Variants in SPOCK1 observed in about 807,000 individuals in gnomAD.
The protein encoded by SPOCK1 is SPARC (osteonectin), cwcv and kazal like domains proteoglycan 1.
A neutral mutation model predicts 55.3 loss-of-function variants in SPOCK1; 23 were observed. That is an observed-to-expected ratio of 0.42 (90% CI 0.30 to 0.59). The LOEUF (loss-of-function observed/expected upper bound fraction) is 0.59, where lower values mean the gene tolerates loss of function less well. SPOCK1 is among the 20% of genes least tolerant of loss of function. The pLI is 0.22. For synonymous variants in SPOCK1, 226 were observed against 221.0 expected, an observed-to-expected ratio of 1.02 and a Z score of -0.20; for missense variants, 499 against 552.5, an observed-to-expected ratio of 0.90 and a Z score of 0.97.
At chr5:137,367,001 T>G (rs777884549) in intron 2 of SPOCK1, among the ~76,000 whole-genome samples, 1 of 152,158 alleles carries the variant, frequency 6.6e-6, no homozygotes, top group Non-Finnish European at 1.5e-5. Context: ...GGAGACAGAG[T>G]GCACTGTGAC....
intron 2 of SPOCK1, among the ~76,000 whole-genome samples, chr5:137,280,085 C>T (rs906417506): frequency 4.6e-5 from 7 of 152,268 alleles, no homozygotes; most frequent in Non-Finnish European, 7.4e-5. Context: ...GGCTCTCACT[C>T]GGCCTTTGAA....
intron 3 of SPOCK1, among the ~76,000 whole-genome samples, chr5:137,202,590 G>T (rs1434363291): frequency 2.6e-5 from 4 of 152,192 alleles, no homozygotes; most frequent in Non-Finnish European, 5.9e-5. Context: ...AGTAAAAATT[G>T]TGTTGAACAG....
chr5:137,115,078 A>G (rs1753551078), intron 4 of SPOCK1, among the ~76,000 whole-genome samples: 1 of 152,204 alleles, frequency 6.6e-6, no homozygotes, highest in Non-Finnish European at 1.5e-5. Context: ...CTTCACCATT[A>G]AAGTAAGTTC....
intron 4 of SPOCK1, among the ~76,000 whole-genome samples, chr5:137,133,059 CT>C (rs1753913949): frequency 2.6e-5 from 4 of 152,152 alleles, no homozygotes; most frequent in Non-Finnish European, 4.4e-5. Context: ...TGGCAGTCTT[CT>C]TTTGTTATTT....
intron 7 of SPOCK1, among the ~76,000 whole-genome samples, chr5:136,990,253 A>ACTGTC (rs1750922184): frequency 1.3e-5 from 2 of 152,034 alleles, no homozygotes; most frequent in Admixed American, 6.6e-5. Context: ...AAAAGTCTTC[A>ACTGTC]CTGTCTAGAA....
chr5:137,027,971 C>T (rs932353320), intron 6 of SPOCK1, among the ~76,000 whole-genome samples: 21 of 152,144 alleles, frequency 1.4e-4, no homozygotes, highest in African/African-American at 4.8e-4. Flanking sequence ...ATAAACTTAC[C>T]ACCCCCAAAC....
At chr5:137,419,355 G>T (rs1316550036) in intron 2 of SPOCK1, among the ~76,000 whole-genome samples, 1 of 152,262 alleles carries the variant, frequency 6.6e-6, no homozygotes, top group East Asian at 1.9e-4. Flanking sequence ...TTGGTAGCTT[G>T]ATGGGGATGG....
intron 2 of SPOCK1, among the ~76,000 whole-genome samples, chr5:137,415,227 T>A (rs142066357): frequency 1.3e-5 from 2 of 152,200 alleles, no homozygotes; most frequent in African/African-American, 2.4e-5. Flanking sequence ...AGAACCCATA[T>A]AGTTTGAGAT....
intron 6 of SPOCK1, among the ~76,000 whole-genome samples, chr5:137,020,204 C>A (rs757507140): frequency 1.1e-4 from 17 of 150,084 alleles, no homozygotes; most frequent in Admixed American, 4.0e-4. Context: ...GAAAAAAAAA[C>A]CCCATCTGAT....
chr5:137,341,677 C>G (rs904995743), intron 2 of SPOCK1, among the ~76,000 whole-genome samples: 5 of 152,120 alleles, frequency 3.3e-5, no homozygotes, highest in African/African-American at 1.2e-4. Context: ...TCAGGCTATA[C>G]CCCTGAATAG....
intron 6 of SPOCK1, among the ~76,000 whole-genome samples, chr5:136,995,994 G>C (rs1392045069): frequency 6.6e-6 from 1 of 152,176 alleles, no homozygotes; most frequent in Non-Finnish European, 1.5e-5. Context: ...AGGTTGCCTG[G>C]AGCTTGATAC....
intron 3 of SPOCK1, among the ~76,000 whole-genome samples, chr5:137,231,613 C>T (rs1238354529): frequency 1.3e-5 from 2 of 152,228 alleles, no homozygotes; most frequent in African/African-American, 2.4e-5. Context: ...TATGGATATG[C>T]TACAGCTGGT....
intron 2 of SPOCK1, among the ~76,000 whole-genome samples, chr5:137,412,717 A>T (rs13166713): frequency 6.6e-6 from 1 of 152,232 alleles, no homozygotes; most frequent in African/African-American, 2.4e-5. Flanking sequence ...TGGGCCTGTG[A>T]TCCAAGGCAG....
intron 3 of SPOCK1, among the ~76,000 whole-genome samples, chr5:137,246,614 T>C (rs1477289030): frequency 1.3e-5 from 2 of 152,214 alleles, no homozygotes; most frequent in African/African-American, 4.8e-5. Flanking sequence ...TTTGTAATGA[T>C]AGACTCTAAA....
chr5:137,064,103 A>G (rs1292365845), intron 6 of SPOCK1, among the ~76,000 whole-genome samples: 3 of 152,248 alleles, frequency 2.0e-5, no homozygotes, highest in East Asian at 1.9e-4. Flanking sequence ...CGGTAGATGC[A>G]GTGAGAATGA....
chr5:137,077,073 A>G (rs895957530), intron 5 of SPOCK1, among the ~76,000 whole-genome samples: 2 of 151,988 alleles, frequency 1.3e-5, no homozygotes, highest in Non-Finnish European at 2.9e-5. Context: ...ACAGGCGCCC[A>G]CCACCACGCC....
At chr5:137,096,777 A>C (rs551958704) in intron 5 of SPOCK1, among the ~76,000 whole-genome samples, 1 of 152,326 alleles carries the variant, frequency 6.6e-6, no homozygotes, top group South Asian at 2.1e-4. Flanking sequence ...TTTAAAATCC[A>C]GTCTTCTTAC....
rs970040178 is a variant in SPOCK1, at chr5:137,179,953, C to A, written c.233-39259G>T. On this transcript the variant is annotated intron_variant, in intron 3 of 10. Coordinates refer to ENST00000394945, the MANE Select transcript of SPOCK1 (RefSeq NM_004598.4). ...TCACTGTGCCCTCACTGATGCCAGG[C>A]AACAGAGCGCCACAGGAGGTATCTC... Among the ~76,000 whole-genome samples, 2 of 152,184 alleles carry A rather than the reference C, an allele frequency of 1.3e-5. 1 individual carries two copies. The highest frequency in any genetic ancestry group is 4.1e-4 in the South Asian group (2 of 4,830).
At chr5:137,152,650 T>C (rs1008071376) in intron 3 of SPOCK1, among the ~76,000 whole-genome samples, 1 of 152,250 alleles carries the variant, frequency 6.6e-6, no homozygotes. Flanking sequence ...TAGTTTTTGT[T>C]AAATTTAAGG....
Sources: allele counts gnomAD v4.1 joint callset (sites outside exome capture counted in the v4.1 genomes callset), GRCh38; gene constraint gnomAD v4.1.1; transcripts MANE v1.5; gene names NCBI Gene and HGNC (gene_info 2026-07-23, HGNC 2026-07-21).